ST8SIA5: variants seen among roughly 807,000 people sequenced by gnomAD.
ST8SIA5 encodes ST8 alpha-N-acetyl-neuraminide alpha-2,8-sialyltransferase 5.
Under a neutral mutation model 40.2 loss-of-function variants are expected in ST8SIA5, and 24 were observed. The ratio of observed to expected loss-of-function variants is 0.60; its 90% confidence interval spans 0.43 to 0.84. ST8SIA5 has a LOEUF of 0.84. ST8SIA5 is among the 40% of genes least tolerant of loss of function. The pLI is 0.00. For missense variants in ST8SIA5, 465 were observed against 498.5 expected (o/e 0.93, Z 0.64); for synonymous variants, 198 against 201.8 (o/e 0.98, Z 0.16).
intron 1 of ST8SIA5, among the ~76,000 whole-genome samples, chr18:46,728,443 G>A (rs548925015): frequency 2.9e-4 from 44 of 152,334 alleles, no homozygotes; most frequent in Non-Finnish European, 5.3e-4. Context: ...CCAAGCATCC[G>A]CGAGTGCCCA....
chr18:46,692,255 C>G lies in ST8SIA5; in HGVS notation c.225G>C (p.Met75Ile), dbSNP rs769656829. ...TGTCGAACAGCTCTGACTGCTTCAC[C>G]CTTGGGAGTAGAGGACAGAAGAGTA... ...HEILEVKVLS[M>I]VKQSELFDRW... The change falls in exon 3 of 7, where the codon ATG becomes ATC. Residue 75 changes from methionine (M) to isoleucine (I), a missense_variant and splice_region_variant. Met to Ile is a conservative substitution (Grantham distance 10). Coordinates refer to ENST00000315087, the MANE Select transcript of ST8SIA5 (RefSeq NM_013305.6). The G allele has an allele frequency of 6.2e-7, 1 of 1,614,074 alleles. No individual in the cohort carries two copies. Among genetic ancestry groups the G allele is most frequent in the Non-Finnish European group, 8.5e-7 (1 of 1,180,004 alleles).
chr18:46,709,247 C>A (rs796918900), intron 1 of ST8SIA5, among the ~76,000 whole-genome samples: 60 of 152,286 alleles, frequency 3.9e-4, no homozygotes, highest in African/African-American at 1.4e-3. Flanking sequence ...TGGGATTAGG[C>A]CCTTATAAAA....
intron 1 of ST8SIA5, chr18:46,730,185 C>G (rs2039972569): frequency 1.0e-6 from 1 of 985,224 alleles, no homozygotes. Context: ...GCTTCAATAG[C>G]CATCCAAGCA....
intron 1 of ST8SIA5, among the ~76,000 whole-genome samples, chr18:46,747,548 G>A (rs2040152665): frequency 6.6e-6 from 1 of 152,138 alleles, no homozygotes; most frequent in African/African-American, 2.4e-5. Flanking sequence ...TTAGAACGGT[G>A]ATCATTAAAA....
chr18:46,747,391 C>A (rs1055076513), intron 1 of ST8SIA5, among the ~76,000 whole-genome samples: 2 of 152,052 alleles, frequency 1.3e-5, no homozygotes, highest in Non-Finnish European at 2.9e-5. Flanking sequence ...ACAAACAACC[C>A]CACCTAAAAG....
chr18:46,749,482 G>A (rs117742943), intron 1 of ST8SIA5, among the ~76,000 whole-genome samples: 3,649 of 152,148 alleles, frequency 0.024, 77 homozygotes, highest in Admixed American at 0.051. Flanking sequence ...AGTAAAACAA[G>A]AACCATATAT....
At chr18:46,709,336 G>A (rs923203867) in intron 1 of ST8SIA5, among the ~76,000 whole-genome samples, 3 of 152,108 alleles carry the variant, frequency 2.0e-5, no homozygotes, top group African/African-American at 7.2e-5. Flanking sequence ...ACGGGCCCTC[G>A]CCAGACACCA....
rs77026306 is a variant in ST8SIA5, at chr18:46,733,715, G to C, written c.131+22663C>G. ...CATGTGAGCAGGACAGGAAGTGGGT[G>C]ATGAGGGGCCAGCCCAGGTGGATGC... is the stretch of plus-strand genomic sequence containing the variant. On this transcript the variant is annotated intron_variant, in intron 1 of 6. Transcript: ENST00000315087. Among the ~76,000 whole-genome samples, 32 of 152,284 alleles carry C rather than the reference G, an allele frequency of 2.1e-4. No homozygotes were observed. The East Asian group carries it at 5.6e-3, about 27-fold the overall frequency.
intron 1 of ST8SIA5, among the ~76,000 whole-genome samples, chr18:46,744,125 A>C (rs527835): frequency 0.8 from 121,027 of 152,180 alleles, 48,337 homozygotes; most frequent in East Asian, 0.85. Context: ...AAATTGTAAA[A>C]ACCATCGATG....
chr18:46,682,515 G>A (rs746950774), intron 5 of ST8SIA5, among the ~76,000 whole-genome samples: 1 of 152,232 alleles, frequency 6.6e-6, no homozygotes, highest in Non-Finnish European at 1.5e-5. Context: ...GTTCGAAGAT[G>A]CATCTTAGAA....
chr18:46,730,748 T>C (rs983210252), intron 1 of ST8SIA5, among the ~76,000 whole-genome samples: 4 of 152,060 alleles, frequency 2.6e-5, no homozygotes, highest in Admixed American at 2.6e-4. Flanking sequence ...CTGCAATTAG[T>C]CATGATCACA....
intron 1 of ST8SIA5, among the ~76,000 whole-genome samples, chr18:46,744,944 A>G (rs1411461651): frequency 2.6e-5 from 4 of 152,230 alleles, no homozygotes; most frequent in Non-Finnish European, 4.4e-5. Flanking sequence ...TGGAAACTGA[A>G]CAACCTGCTC....
intron 1 of ST8SIA5, among the ~76,000 whole-genome samples, chr18:46,744,192 G>A (rs987916816): frequency 6.6e-5 from 10 of 152,008 alleles, no homozygotes; most frequent in South Asian, 2.1e-4. Flanking sequence ...TCATAATGAC[G>A]GGATCAAATT....
chr18:46,669,284 T>G lies in ST8SIA5; in HGVS notation c.*10758A>C, dbSNP rs1224099035. The G allele has an allele frequency of 6.6e-6, 1 of 152,214 alleles. No homozygotes were observed. Among genetic ancestry groups the G allele is most frequent in the Non-Finnish European group, 1.5e-5 (1 of 68,116 alleles). The allele number at this position is 152,214 out of a possible 1,614,324, so 9.4% of individuals were successfully genotyped here. On this transcript the variant is annotated 3_prime_UTR_variant, in exon 7 of 7. Coordinates refer to ENST00000315087, the MANE Select transcript of ST8SIA5 (RefSeq NM_013305.6). ...CTGGCCACCGTCCCCTGCCCTCCAG[T>G]TCCTCCCACCTTGAGGAAGCCTTGG...
In ST8SIA5 at chr18:46,756,443, G is replaced by A. The variant is rs2040247888; in HGVS notation, c.66C>T (p.Phe22=). ...AGGTCACCAAGGCAAAGGCGCAGAT[G>A]AAGATGAAGAGCAAAGTTCGGCTCC... ...LLGSRTLLFI[F]ICAFALVTLL... Residue 22 remains phenylalanine (F), a synonymous_variant, in exon 1 of 7, where the codon TTC becomes TTT. Coordinates refer to ENST00000315087, the MANE Select transcript of ST8SIA5 (RefSeq NM_013305.6). 1 of 1,613,222 alleles carries A rather than the reference G, an allele frequency of 6.2e-7. No individual in the cohort carries two copies. Among genetic ancestry groups the A allele is most frequent in the Non-Finnish European group, 8.5e-7 (1 of 1,179,404 alleles).
chr18:46,705,474 A>C (rs1351120660), intron 1 of ST8SIA5, among the ~76,000 whole-genome samples: 3 of 152,264 alleles, frequency 2.0e-5, no homozygotes, highest in African/African-American at 4.8e-5. Flanking sequence ...AATTGACACA[A>C]GCATCCTGAA....
In ST8SIA5 at chr18:46,672,606, TTTCCTTTG is replaced by T; in HGVS notation, c.*7428_*7435del. 7.9e-6 allele frequency: 1 copy of T among 126,590 alleles called. No individual in the cohort carries two copies. The allele number at this position is 126,590 out of a possible 1,614,324, so 7.8% of individuals were successfully genotyped here. A position where few individuals can be genotyped will look rare whatever the true frequency, so the allele number is the denominator to read the frequency against. On this transcript the variant is annotated 3_prime_UTR_variant, in exon 7 of 7. Coordinates refer to ENST00000315087, the MANE Select transcript of ST8SIA5 (RefSeq NM_013305.6). ...AGTGTATGTTTTTGCTTTTGGTTTT[TTTCCTTTG>T]AAATAAAAAAAAAAAAAAAGAAAGG...
intron 1 of ST8SIA5, among the ~76,000 whole-genome samples, chr18:46,717,837 ATT>A (rs558387396): frequency 6.8e-6 from 1 of 146,740 alleles, no homozygotes; most frequent in African/African-American, 2.5e-5. Context: ...CGCTTAATTC[ATT>A]TTTTTTTTTT....
At chr18:46,684,421 G>T (rs2039426379) in intron 5 of ST8SIA5, among the ~76,000 whole-genome samples, 1 of 152,212 alleles carries the variant, frequency 6.6e-6, no homozygotes, top group Non-Finnish European at 1.5e-5. Flanking sequence ...GTGTCCTGCA[G>T]TGTTTGAAGA....
Sources: allele counts gnomAD v4.1 joint callset (sites outside exome capture counted in the v4.1 genomes callset), GRCh38; gene constraint gnomAD v4.1.1; transcripts MANE v1.5; gene names NCBI Gene and HGNC (gene_info 2026-07-23, HGNC 2026-07-21).